Variants in HSD17B3 observed in about 807,000 individuals in gnomAD.
HSD17B3 encodes the protein 17-beta-hydroxysteroid dehydrogenase type 3.
In HSD17B3, 29 loss-of-function variants were observed where a neutral mutation model predicts 41.1. That is an observed-to-expected ratio of 0.71 (90% CI 0.53 to 0.96). The LOEUF (loss-of-function observed/expected upper bound fraction) is 0.96, where lower values mean the gene tolerates loss of function less well. Among genes scored for constraint, HSD17B3 ranks in the 40% least tolerant of loss-of-function variants. HSD17B3 has a pLI of 0.00. For synonymous variants in HSD17B3, 126 were observed against 145.6 expected (o/e 0.87, Z 0.97); for missense variants, 323 against 374.6 (o/e 0.86, Z 1.14).
chr9:96,292,613 G>C (rs1827197244), intron 2 of HSD17B3, among the ~76,000 whole-genome samples: 1 of 152,188 alleles, frequency 6.6e-6, no homozygotes, highest in South Asian at 2.1e-4. Context: ...CTCCCAAAAT[G>C]CTGGGATTAC....
At position 96,276,107 on chromosome 9, in the gene HSD17B3, T is replaced by TAAAA. The variant is rs57386167; in HGVS notation, c.202-21168_202-21165dup. Among the ~76,000 whole-genome samples, 89 of 41,036 alleles carry TAAAA rather than the reference T, an allele frequency of 2.2e-3. 5 individuals carry two copies. Among genetic ancestry groups the TAAAA allele is most frequent in the African/African-American group, 5.3e-3 (54 of 10,130 alleles). The allele number at this position is 41,036 out of a possible 152,430, so 26.9% of individuals were successfully genotyped here. On this transcript the variant is annotated intron_variant, in intron 2 of 10. Transcript: ENST00000375263. ...GGTGACAGAGTGAGATCCTGTCTCATAAAAAAAAAAAAAAAAAAAAAAAAA... is the reference window on the plus strand; with the variant it reads ...GGTGACAGAGTGAGATCCTGTCTCATAAAAAAAAAAAAAAAAAAAAAAAAAAAAA...
intron 2 of HSD17B3, among the ~76,000 whole-genome samples, chr9:96,285,839 C>T (rs1267339035): frequency 6.6e-6 from 1 of 152,128 alleles, no homozygotes; most frequent in Non-Finnish European, 1.5e-5. Flanking sequence ...ATTTTCATCC[C>T]TCTGCAACCT....
At chr9:96,235,613 C>T (rs769245360) in intron 10 of HSD17B3, 43 bp from the exon 11 acceptor site, 3 of 1,476,518 alleles carry the variant, frequency 2.0e-6, no homozygotes, top group Admixed American at 3.5e-5. Context: ...GAAGGAATAA[C>T]AAGTACCTCA....
intron 2 of HSD17B3, among the ~76,000 whole-genome samples, chr9:96,288,411 G>A (rs777268603): frequency 4.6e-5 from 7 of 152,168 alleles, no homozygotes; most frequent in Admixed American, 1.3e-4. Context: ...AGCTGAAGGT[G>A]TTAACACCAC....
chr9:96,296,906 T>A (rs773554657), intron 2 of HSD17B3, among the ~76,000 whole-genome samples: 3 of 151,766 alleles, frequency 2.0e-5, no homozygotes, highest in Non-Finnish European at 2.9e-5. Context: ...GAGCCTGTAG[T>A]TCCAGGAGGA....
At chr9:96,296,305 C>T (rs1297969369) in intron 2 of HSD17B3, among the ~76,000 whole-genome samples, 3 of 152,104 alleles carry the variant, frequency 2.0e-5, no homozygotes, top group Non-Finnish European at 2.9e-5. Context: ...TGCTCTCTGC[C>T]GTGTGAAGCT....
At chr9:96,268,193 G>A (rs1826112387) in intron 2 of HSD17B3, among the ~76,000 whole-genome samples, 1 of 152,162 alleles carries the variant, frequency 6.6e-6, no homozygotes, top group Non-Finnish European at 1.5e-5. Context: ...CCAAAGTGCT[G>A]GGATTACAGG....
chr9:96,243,132 C>T (rs1836518390), intron 9 of HSD17B3, among the ~76,000 whole-genome samples: 1 of 152,218 alleles, frequency 6.6e-6, no homozygotes, highest in African/African-American at 2.4e-5. Context: ...GGATGTGTCA[C>T]GTGAATGCAA....
At chr9:96,259,147 G>A (rs548551758) in intron 2 of HSD17B3, among the ~76,000 whole-genome samples, 5 of 152,246 alleles carry the variant, frequency 3.3e-5, no homozygotes, top group Admixed American at 6.5e-5. Context: ...AGAATGAGTC[G>A]CATGGCTTCA....
Position 96,252,867 on chromosome 9 carries a change from A to G in HSD17B3, c.321T>C (p.Phe107=), listed in dbSNP as rs377568851. ...TATGCTCGTAGATGTCATCTTTTGT[A>G]AAATCTGCTTGTATAATCTTCACAC... The part of the protein sequence containing the change: ...GRSVKIIQAD[F]TKDDIYEHIK... The change falls in exon 4 of 11, where the codon TTT becomes TTC. Residue 107 remains phenylalanine, a synonymous_variant. Transcript: ENST00000375263. The G allele has an allele frequency of 1.9e-6, 3 of 1,613,714 alleles. No individual in the cohort carries two copies. The highest frequency in any genetic ancestry group is 2.5e-6 in the Non-Finnish European group (3 of 1,179,646).
Position 96,240,786 on chromosome 9 carries a change from G to T in HSD17B3, c.794C>A (p.Thr265Asn). 6.2e-7 allele frequency: 1 copy of T among 1,614,166 alleles called. No homozygotes were observed. The highest frequency in any genetic ancestry group is 8.5e-7 in the Non-Finnish European group (1 of 1,180,038). The part of the protein sequence containing the change: ...SLNYVTIGGE[T>N]CGCLAHEILA... Reference sequence around the variant, plus strand: ...GATTTCATGGGCAAGGCAGCCACAGGTTTCACCTCCAATTGTGACATAATT... The same window carrying T: ...GATTTCATGGGCAAGGCAGCCACAGTTTTCACCTCCAATTGTGACATAATT... Residue 265 changes from threonine to asparagine, a missense_variant, in exon 10 of 11, where the codon ACC becomes AAC. By Grantham distance (65) the Thr-to-Asn change is moderately conservative. Coordinates refer to ENST00000375263, the MANE Select transcript of HSD17B3 (RefSeq NM_000197.2).
chr9:96,241,981 G>T (rs1174187954), intron 9 of HSD17B3, among the ~76,000 whole-genome samples: 1 of 115,664 alleles, frequency 8.6e-6, no homozygotes, highest in Non-Finnish European at 1.8e-5. Context: ...AAGAAAGAAA[G>T]AAAGAAAGAA....
intron 2 of HSD17B3, among the ~76,000 whole-genome samples, chr9:96,275,263 C>T (rs1039858991): frequency 5.3e-5 from 8 of 151,998 alleles, no homozygotes; most frequent in Non-Finnish European, 7.4e-5. Context: ...ACACACTAAA[C>T]AACAACACAA....
chr9:96,249,268 T>C (rs1836797576), intron 6 of HSD17B3, among the ~76,000 whole-genome samples: 1 of 152,176 alleles, frequency 6.6e-6, no homozygotes, highest in Non-Finnish European at 1.5e-5. Flanking sequence ...ACTTGTCCAA[T>C]GCTGTCCAAC....
intron 2 of HSD17B3, among the ~76,000 whole-genome samples, chr9:96,277,294 T>C (rs1269077143): frequency 2.6e-5 from 4 of 151,790 alleles, no homozygotes; most frequent in Non-Finnish European, 1.5e-5. Context: ...CAAAATGGAA[T>C]AAAGTATTTG....
In HSD17B3 at chr9:96,289,063, C is replaced by T. The variant is rs1247391428; in HGVS notation, c.201+9353G>A. Among the ~76,000 whole-genome samples, 8 of 151,296 alleles carry T rather than the reference C, an allele frequency of 5.3e-5. No individual in the cohort carries two copies. The East Asian group carries it at 1.4e-3, about 26-fold the overall frequency. On this transcript the variant is annotated intron_variant, in intron 2 of 10. Coordinates refer to ENST00000375263, the MANE Select transcript of HSD17B3 (RefSeq NM_000197.2). ...GGTCAAGAATGCAATGAGCCGTGAT[C>T]CCACCACTGCACTCCAGCCTGGATG...
chr9:96,285,828 G>C (rs1213632278), intron 2 of HSD17B3, among the ~76,000 whole-genome samples: 2 of 152,148 alleles, frequency 1.3e-5, no homozygotes, highest in Admixed American at 6.5e-5. Flanking sequence ...ACAGAAGATG[G>C]ATTTTCATCC....
rs1368601617 is a variant in HSD17B3 at position 96,252,902 on chromosome 9, T to C, written c.286A>G (p.Thr96Ala). 3.7e-6 allele frequency: 6 copies of C among 1,602,666 alleles called. No individual in the cohort carries two copies. Among genetic ancestry groups the C allele is most frequent in the Non-Finnish European group, 5.1e-6 (6 of 1,170,496 alleles). Residue 96 changes from threonine to alanine, a missense_variant, in exon 4 of 11, where the codon ACA becomes GCA. By Grantham distance (58) the Thr-to-Ala change is moderately conservative (BLOSUM62 0). Transcript: ENST00000375263. Reference protein sequence around the residue: ...EAIATEIERTTGRSVKIIQAD... With the variant: ...EAIATEIERTAGRSVKIIQAD... ...TGTATAATCTTCACACTCCTCCCTG[T>C]AGTCCGCTCTACACGAGAGACAACA...
At chr9:96,239,958 A>T (rs1836368531) in intron 10 of HSD17B3, 1 of 152,194 alleles carries the variant, frequency 6.6e-6, no homozygotes, top group African/African-American at 2.4e-5. Flanking sequence ...CATTCTCAGC[A>T]AACTAACACA....
Sources: gnomAD v4.1 joint callset for allele counts (sites outside exome capture counted in the v4.1 genomes callset) on GRCh38, gnomAD v4.1.1 for gene constraint, MANE v1.5 for transcripts, NCBI Gene and HGNC (gene_info 2026-07-23, HGNC 2026-07-21) for gene names.